N4BP1: variants seen among roughly 807,000 people sequenced by gnomAD.
N4BP1 encodes NEDD4-binding protein 1.
Under a neutral mutation model 70.9 loss-of-function variants are expected in N4BP1, and 21 were observed. The observed-to-expected ratio is 0.30, with a 90% CI of 0.21 to 0.43. The LOEUF is 0.43. Among genes scored for constraint, N4BP1 ranks in the 20% least tolerant of loss-of-function variants. The pLI is 1.00. For synonymous variants in N4BP1, 387 were observed against 394.6 expected, an observed-to-expected ratio of 0.98 and a Z score of 0.23; for missense variants, 936 against 1,069.4, an observed-to-expected ratio of 0.88 and a Z score of 1.74.
intron 1 of N4BP1, among the ~76,000 whole-genome samples, chr16:48,576,660 A>G (rs1964099177): frequency 6.6e-6 from 1 of 152,178 alleles, no homozygotes; most frequent in African/African-American, 2.4e-5. Context: ...AGTATGTGTG[A>G]ATCCCTTTGA....
At chr16:48,593,785 G>A (rs1028209124) in intron 1 of N4BP1, among the ~76,000 whole-genome samples, 8 of 152,046 alleles carry the variant, frequency 5.3e-5, no homozygotes, top group East Asian at 1.9e-4. Flanking sequence ...CGAGGCAGGC[G>A]GATCACCTGA....
intron 1 of N4BP1, among the ~76,000 whole-genome samples, chr16:48,569,386 T>G (rs1247759844): frequency 6.6e-6 from 1 of 152,116 alleles, no homozygotes; most frequent in Non-Finnish European, 1.5e-5. Context: ...AGCCCTGCAA[T>G]GCTATTATTT....
chr16:48,588,084 T>C (rs560573717), intron 1 of N4BP1, among the ~76,000 whole-genome samples: 1 of 152,270 alleles, frequency 6.6e-6, no homozygotes, highest in Non-Finnish European at 1.5e-5. Context: ...AGATTTCTTA[T>C]GAAATTTCCT....
chr16:48,557,482 T>A (rs1320143592), intron 2 of N4BP1, among the ~76,000 whole-genome samples: 2 of 152,202 alleles, frequency 1.3e-5, no homozygotes, highest in Non-Finnish European at 2.9e-5. Flanking sequence ...TCACAATTGG[T>A]GTGAAGGTTG....
Position 48,562,699 on chromosome 16 carries a change from G to C in N4BP1, c.199-255C>G, listed in dbSNP as rs550542786. 6.1e-4 allele frequency among the ~76,000 whole-genome samples: 93 copies of C among 152,316 alleles called. 1 individual carries two copies. The highest frequency in any genetic ancestry group is 4.8e-3 in the Admixed American group (74 of 15,298). On this transcript the variant is annotated intron_variant, in intron 1 of 6. Coordinates refer to ENST00000262384, the MANE Select transcript of N4BP1 (RefSeq NM_153029.4). ...TATTTTGTAACATTTTATGCAATGT[G>C]ATCTTAGGGATTTGCTGAGCTACAC...
At chr16:48,599,810 C>T (rs1365544725) in intron 1 of N4BP1, among the ~76,000 whole-genome samples, 1 of 152,160 alleles carries the variant, frequency 6.6e-6, no homozygotes, top group African/African-American at 2.4e-5. Context: ...AAAACTGTTA[C>T]CTCTTCTTCC....
At chr16:48,585,735 G>A (rs565565577) in intron 1 of N4BP1, among the ~76,000 whole-genome samples, 1 of 151,386 alleles carries the variant, frequency 6.6e-6, no homozygotes, top group African/African-American at 2.4e-5. Context: ...TCACCCTGTT[G>A]CCCAAGCTGG....
intron 1 of N4BP1, among the ~76,000 whole-genome samples, chr16:48,580,462 A>C (rs573090491): frequency 1.5e-4 from 23 of 152,172 alleles, no homozygotes; most frequent in Non-Finnish European, 3.4e-4. Flanking sequence ...AAAGCCCAGG[A>C]ACTGATGGCT....
intron 1 of N4BP1, among the ~76,000 whole-genome samples, chr16:48,563,807 G>A (rs573820554): frequency 1.3e-5 from 2 of 152,306 alleles, no homozygotes; most frequent in Admixed American, 6.5e-5. Context: ...ATATTCATGG[G>A]TTACACAGGG....
chr16:48,589,543 G>A (rs766208335), intron 1 of N4BP1, among the ~76,000 whole-genome samples: 2 of 152,080 alleles, frequency 1.3e-5, no homozygotes, highest in African/African-American at 2.4e-5. Flanking sequence ...CCTATGCATC[G>A]CTTCATCTAT....
intron 2 of N4BP1, among the ~76,000 whole-genome samples, chr16:48,556,850 T>C (rs1963761412): frequency 6.6e-6 from 1 of 152,088 alleles, no homozygotes; most frequent in Admixed American, 6.6e-5. Flanking sequence ...ATGGCTAAAA[T>C]ACTTAATTCT....
intron 1 of N4BP1, among the ~76,000 whole-genome samples, chr16:48,604,731 TAATTCGATG>T (rs1239156241): frequency 7.4e-4 from 112 of 152,362 alleles, no homozygotes; most frequent in Non-Finnish European, 4.6e-4. Flanking sequence ...TTTATTCATA[TAATTCGATG>T]AATTCGATGT....
At chr16:48,554,053 G>T (rs1026018842) in intron 2 of N4BP1, among the ~76,000 whole-genome samples, 1 of 152,092 alleles carries the variant, frequency 6.6e-6, no homozygotes, top group African/African-American at 2.4e-5. Context: ...TCTTTTTAGG[G>T]AATGGCTATA....
chr16:48,563,583 T>C (rs1324498915), intron 1 of N4BP1, among the ~76,000 whole-genome samples: 2 of 152,124 alleles, frequency 1.3e-5, no homozygotes, highest in Non-Finnish European at 2.9e-5. Flanking sequence ...TTCACCATGT[T>C]GGCCAAGCTG....
chr16:48,552,736 A>AAAAAAAAAAAAAAAAAAAAAAAAAC (rs1963693762), intron 3 of N4BP1, among the ~76,000 whole-genome samples: 1 of 145,168 alleles, frequency 6.9e-6, no homozygotes, highest in South Asian at 2.2e-4. Flanking sequence ...AAAAAAAAAA[A>AAAAAAAAAAAAAAAAAAAAAAAAAC]AAGACTCCTT....
At chr16:48,563,318 G>A (rs1222650437) in intron 1 of N4BP1, among the ~76,000 whole-genome samples, 1 of 151,760 alleles carries the variant, frequency 6.6e-6, no homozygotes, top group East Asian at 1.9e-4. Context: ...TCATGTCACT[G>A]CATTCCAGCC....
chr16:48,588,968 G>GT (rs1964290861), intron 1 of N4BP1, among the ~76,000 whole-genome samples: 1 of 152,118 alleles, frequency 6.6e-6, no homozygotes, highest in Non-Finnish European at 1.5e-5. Context: ...TAGAGAAAAA[G>GT]TTTGCCAATG....
intron 1 of N4BP1, among the ~76,000 whole-genome samples, chr16:48,592,727 G>A (rs1567443627): frequency 6.6e-6 from 1 of 152,282 alleles, no homozygotes; most frequent in South Asian, 2.1e-4. Flanking sequence ...TCCAAATTTA[G>A]ACATTTCATC....
chr16:48,594,019 C>G (rs7189119), intron 1 of N4BP1, among the ~76,000 whole-genome samples: 2 of 95,094 alleles, frequency 2.1e-5, no homozygotes, highest in Non-Finnish European at 4.1e-5. Context: ...AAAAAAAAAA[C>G]AAAAAAAAAA....
Sources: gnomAD v4.1 joint callset for allele counts (sites outside exome capture counted in the v4.1 genomes callset) on GRCh38, gnomAD v4.1.1 for gene constraint, MANE v1.5 for transcripts, NCBI Gene and HGNC (gene_info 2026-07-23, HGNC 2026-07-21) for gene names.